The following ZFAND3 variants were observed in gnomAD, a reference collection of about 807,000 sequenced individuals.
The protein encoded by ZFAND3 is AN1-type zinc finger protein 3.
Under a neutral mutation model 29.6 loss-of-function variants are expected in ZFAND3, and 10 were observed. The ratio of observed to expected loss-of-function variants is 0.34; its 90% CI spans 0.21 to 0.57. The LOEUF (loss-of-function observed/expected upper bound fraction) is 0.57. Among genes scored for constraint, ZFAND3 ranks in the 20% least tolerant of loss-of-function variants. ZFAND3 has a pLI of 0.86. For synonymous variants in ZFAND3, 128 were observed against 112.6 expected, an observed-to-expected ratio of 1.14 and a Z score of -0.87; for missense variants, 230 against 304.5, an observed-to-expected ratio of 0.76 and a Z score of 1.82.
chr6:38,119,806 C>T (rs1765493516), intron 5 of ZFAND3, among the ~76,000 whole-genome samples: 1 of 152,202 alleles, frequency 6.6e-6, no homozygotes, highest in East Asian at 1.9e-4. Flanking sequence ...TCCCTTTGAT[C>T]TTCAAAAGAG....
intron 5 of ZFAND3, among the ~76,000 whole-genome samples, chr6:38,132,429 C>T (rs1428857676): frequency 6.6e-6 from 1 of 152,200 alleles, no homozygotes; most frequent in African/African-American, 2.4e-5. Flanking sequence ...ATTGCTTGAG[C>T]CTAGGAATTT....
At chr6:38,032,544 G>A (rs1298441183) in intron 2 of ZFAND3, among the ~76,000 whole-genome samples, 35 of 152,228 alleles carry the variant, frequency 2.3e-4, no homozygotes, top group Non-Finnish European at 2.9e-5. Context: ...AAAACTCTGA[G>A]CACCTACTTT....
rs1347314739 is a variant in ZFAND3 at position 37,896,568 on chromosome 6, T to TTCTTTCTTTCTTTCTC, written c.72-33388_72-33387insTTCTTTCTTTCTCTCT. On this transcript the variant is annotated intron_variant, in intron 1 of 5. Transcript: ENST00000287218. ...TTTCTTTCTTTCTTTCTTTCTTTCT[T>TTCTTTCTTTCTTTCTC]TCTCTCTTTCTCTCTCTTTCTCTTT... 7.0e-4 allele frequency among the ~76,000 whole-genome samples: 102 copies of TTCTTTCTTTCTTTCTC among 145,722 alleles called. No homozygotes were observed. The East Asian group carries it at 0.014, about 19-fold the overall frequency.
At chr6:37,834,281 T>G (rs1456094613) in intron 1 of ZFAND3, among the ~76,000 whole-genome samples, 1 of 152,224 alleles carries the variant, frequency 6.6e-6, no homozygotes, top group African/African-American at 2.4e-5. Context: ...GATTGACTTC[T>G]TTTATATAGT....
rs185073600 is a variant in ZFAND3 at position 38,012,725 on chromosome 6, C to G, written c.113-48868C>G. Among the ~76,000 whole-genome samples, 13 of 152,152 alleles carry G rather than the reference C, an allele frequency of 8.5e-5. 1 individual carries two copies. Among genetic ancestry groups the G allele is most frequent in the Non-Finnish European group, 1.8e-4 (12 of 68,004 alleles). On this transcript the variant is annotated intron_variant, in intron 2 of 5. Transcript: ENST00000287218. ...TGATGAGGTGTGCAGGTCCAGAAATCGTAACATGAATGGCAGTTAAAGGCC... is the reference window on the plus strand; with the variant it reads ...TGATGAGGTGTGCAGGTCCAGAAATGGTAACATGAATGGCAGTTAAAGGCC...
At chr6:38,134,554 T>G (rs937686075) in intron 5 of ZFAND3, among the ~76,000 whole-genome samples, 4 of 152,228 alleles carry the variant, frequency 2.6e-5, no homozygotes, top group African/African-American at 9.6e-5. Context: ...CTCCTTGAGC[T>G]TGATAGCTTC....
At chr6:37,961,910 G>T (rs1307906658) in intron 2 of ZFAND3, among the ~76,000 whole-genome samples, 1 of 152,148 alleles carries the variant, frequency 6.6e-6, no homozygotes, top group African/African-American at 2.4e-5. Context: ...AGCCCAGACT[G>T]CAAAGACTAC....
At chr6:37,970,188 T>G (rs1762361748) in intron 2 of ZFAND3, among the ~76,000 whole-genome samples, 1 of 152,052 alleles carries the variant, frequency 6.6e-6, no homozygotes, top group African/African-American at 2.4e-5. Context: ...TCAGAGAATT[T>G]AGAAGGCTTG....
At chr6:38,003,525 C>G (rs911012532) in intron 2 of ZFAND3, among the ~76,000 whole-genome samples, 3 of 149,994 alleles carry the variant, frequency 2.0e-5, no homozygotes, top group Non-Finnish European at 4.4e-5. Flanking sequence ...TGAGACGGTG[C>G]CTCACTTTTG....
At chr6:38,102,767 G>T (rs764872673) in intron 4 of ZFAND3, among the ~76,000 whole-genome samples, 4 of 151,982 alleles carry the variant, frequency 2.6e-5, no homozygotes, top group Non-Finnish European at 5.9e-5. Flanking sequence ...TTTTTTGTTT[G>T]TTTTTTTGAG....
chr6:38,052,177 C>T (rs1468093604), intron 2 of ZFAND3, among the ~76,000 whole-genome samples: 1 of 152,256 alleles, frequency 6.6e-6, no homozygotes, highest in East Asian at 1.9e-4. Context: ...TTTTGGGAGC[C>T]AATCTAATGT....
At position 37,979,592 on chromosome 6, in the gene ZFAND3, G is replaced by C. The variant is rs115973462; in HGVS notation, c.112+49593G>C. ...CTTGAGTACTCTATGCAATGCTCCT[G>C]AATTATGAGTTTTTCCAGTCTGACA... On this transcript the variant is annotated intron_variant, in intron 2 of 5. Transcript: ENST00000287218. Among the ~76,000 whole-genome samples, 185 of 152,290 alleles carry C rather than the reference G, an allele frequency of 1.2e-3. 1 individual carries two copies. Among genetic ancestry groups the C allele is most frequent in the African/African-American group, 4.1e-3 (171 of 41,564 alleles).
intron 5 of ZFAND3, among the ~76,000 whole-genome samples, chr6:38,122,101 T>C (rs1397032070): frequency 6.6e-6 from 1 of 152,230 alleles, no homozygotes; most frequent in Non-Finnish European, 1.5e-5. Flanking sequence ...TCATGGGCTC[T>C]TATCTTTTTT....
chr6:37,859,767 G>A (rs889357223), intron 1 of ZFAND3, among the ~76,000 whole-genome samples: 9 of 150,966 alleles, frequency 6.0e-5, no homozygotes, highest in Non-Finnish European at 1.3e-4. Context: ...ATTGTCATTT[G>A]AATTTTGATG....
rs1763486229 is a variant in ZFAND3 at position 38,028,294 on chromosome 6, T to C, written c.113-33299T>C. The stretch of plus-strand genomic sequence containing the variant: ...GAAAACAAGTCTCTAGCTTGCATTG[T>C]TAATTTTGAGTAGGGTTTATAGGAC... On this transcript the variant is annotated intron_variant, in intron 2 of 5. Transcript: ENST00000287218. Among the ~76,000 whole-genome samples, 3 of 152,244 alleles carry C rather than the reference T, an allele frequency of 2.0e-5. 1 individual carries two copies. In the South Asian group the frequency reaches 6.2e-4, roughly 31 times the overall value.
chr6:37,925,772 A>T (rs775811397), intron 1 of ZFAND3, among the ~76,000 whole-genome samples: 2 of 151,944 alleles, frequency 1.3e-5, no homozygotes, highest in Non-Finnish European at 2.9e-5. Context: ...TCCCATTTAT[A>T]TGAGTGGAAA....
intron 4 of ZFAND3, among the ~76,000 whole-genome samples, chr6:38,095,667 T>C (rs1473269932): frequency 1.3e-5 from 2 of 152,210 alleles, no homozygotes; most frequent in African/African-American, 4.8e-5. Context: ...GTGTTAGAGT[T>C]CCTGCATATC....
intron 2 of ZFAND3, among the ~76,000 whole-genome samples, chr6:37,940,403 G>A (rs1245545420): frequency 6.6e-6 from 1 of 151,994 alleles, no homozygotes; most frequent in Non-Finnish European, 1.5e-5. Context: ...TAAAAAGATG[G>A]GACATTATTT....
At position 37,866,585 on chromosome 6, in the gene ZFAND3, G is replaced by A. The variant is rs139414946; in HGVS notation, c.71+46569G>A. On this transcript the variant is annotated intron_variant, in intron 1 of 5. Transcript: ENST00000287218. Reference sequence around the variant, plus strand: ...TCCAGAAAGTAGTCATGTTAAGGCTGTTTTGTTGACTGCTTGATTAAAAAT... The same window carrying A: ...TCCAGAAAGTAGTCATGTTAAGGCTATTTTGTTGACTGCTTGATTAAAAAT... 4.5e-3 allele frequency among the ~76,000 whole-genome samples: 682 copies of A among 152,292 alleles called. 3 individuals carry two copies. Among genetic ancestry groups the A allele is most frequent in the Non-Finnish European group, 6.0e-3 (409 of 68,028 alleles).
Sources: allele counts gnomAD v4.1 joint callset (sites outside exome capture counted in the v4.1 genomes callset), GRCh38; gene constraint gnomAD v4.1.1; transcripts MANE v1.5; gene names NCBI Gene and HGNC (gene_info 2026-07-23, HGNC 2026-07-21).